Variants in NEK10 observed in about 807,000 individuals in gnomAD.
NEK10 encodes serine/threonine-protein kinase Nek10.
In NEK10, 122 loss-of-function variants were observed where a neutral mutation model predicts 159.8. That is an observed-to-expected ratio of 0.76 (90% CI 0.66 to 0.89). The LOEUF (loss-of-function observed/expected upper bound fraction) is 0.89. Ranked by LOEUF, NEK10 falls within the 40% of genes least tolerant of loss-of-function variation. NEK10 has a pLI of 0.00. For missense variants in NEK10, 1,342 were observed against 1,323.1 expected (o/e 1.01, Z -0.22); for synonymous variants, 466 against 457.1 (o/e 1.02, Z -0.25).
chr3:27,315,764 G>A (rs1250338894), intron 6 of NEK10, among the ~76,000 whole-genome samples: 1 of 152,104 alleles, frequency 6.6e-6, no homozygotes, highest in East Asian at 1.9e-4. Flanking sequence ...AAGACAGAAC[G>A]AGATAAGTGT....
chr3:27,262,660 C>T (rs566676627), intron 22 of NEK10, among the ~76,000 whole-genome samples: 94 of 152,290 alleles, frequency 6.2e-4, no homozygotes, highest in African/African-American at 2.0e-3. Context: ...ATGTAGTTCT[C>T]GTGCCTTGGT....
intron 23 of NEK10, among the ~76,000 whole-genome samples, chr3:27,203,782 C>A (rs965834440): frequency 6.6e-6 from 1 of 152,054 alleles, no homozygotes; most frequent in African/African-American, 2.4e-5. Flanking sequence ...AATTACTGTT[C>A]TTGAGAGGAA....
At position 27,309,002 on chromosome 3, in the gene NEK10, A is replaced by C; in HGVS notation, c.640T>G (p.Leu214Val). Residue 214 changes from leucine (L) to valine (V), a missense_variant, in exon 10 of 36, where the codon TTA becomes GTA. Transcript: ENST00000691995. ...WVTTSGAHKT[L>V]VNLLGARDTN... ...TCTCGGGCACCAAGTAAATTTACTA[A>C]TGTCTGAAAAATGAAGTAAAATAAA... 6.4e-7 allele frequency: 1 copy of C among 1,553,356 alleles called. No homozygotes were observed. The highest frequency in any genetic ancestry group is 8.9e-7 in the Non-Finnish European group (1 of 1,128,240).
chr3:27,172,492 T>G (rs1048921466), intron 28 of NEK10, among the ~76,000 whole-genome samples: 5 of 152,104 alleles, frequency 3.3e-5, no homozygotes, highest in Non-Finnish European at 5.9e-5. Context: ...ATCTCTACTC[T>G]CGTGTTTATT....
chr3:27,221,306 A>G (rs1952076551), intron 23 of NEK10, among the ~76,000 whole-genome samples: 1 of 152,224 alleles, frequency 6.6e-6, no homozygotes, highest in African/African-American at 2.4e-5. Flanking sequence ...TTATAACTCA[A>G]TAATAAAAAC....
intron 5 of NEK10, among the ~76,000 whole-genome samples, chr3:27,327,751 C>A (rs1190405431): frequency 6.6e-6 from 1 of 152,126 alleles, no homozygotes; most frequent in Non-Finnish European, 1.5e-5. Flanking sequence ...CATGTCACAG[C>A]CCTTTTCATG....
chr3:27,304,902 C>T lies in NEK10; in HGVS notation c.873G>A (p.Glu291=). ...PQVKEQVKLY[E]GIPVLLSLLH... ...GCAGACTGAGGAGGACCGGTATCCCCTCATAGAGCTTCACCTGCTCTTTCA... is the reference window on the plus strand; with the variant it reads ...GCAGACTGAGGAGGACCGGTATCCCTTCATAGAGCTTCACCTGCTCTTTCA... The change falls in exon 12 of 36, where the codon GAG becomes GAA. Residue 291 remains glutamate, a synonymous_variant. Coordinates refer to ENST00000691995, the MANE Select transcript of NEK10 (RefSeq NM_001394966.1). 1 of 1,613,714 alleles carries T rather than the reference C, an allele frequency of 6.2e-7. No individual in the cohort carries two copies.
intron 16 of NEK10, among the ~76,000 whole-genome samples, chr3:27,293,375 C>T (rs560579000): frequency 2.0e-5 from 3 of 152,324 alleles, no homozygotes; most frequent in Admixed American, 2.0e-4. Context: ...AATTTATGCT[C>T]TTTCATCATC....
intron 32 of NEK10, among the ~76,000 whole-genome samples, chr3:27,123,720 T>C (rs995993092): frequency 6.6e-6 from 1 of 152,048 alleles, no homozygotes; most frequent in African/African-American, 2.4e-5. Flanking sequence ...AGGTAGCAGA[T>C]AGATTTGACT....
At chr3:27,252,793 T>C in intron 23 of NEK10, 2 of 441,072 alleles carry the variant, frequency 4.5e-6, no homozygotes, top group Non-Finnish European at 9.2e-6. Flanking sequence ...GGAGCCCAGA[T>C]GAAACAGCTA....
At chr3:27,187,795 C>T (rs7653480) in intron 26 of NEK10, among the ~76,000 whole-genome samples, 106,110 of 151,482 alleles carry the variant, frequency 0.7, 38,990 homozygotes, top group African/African-American at 0.93. Flanking sequence ...AGTTCATAGT[C>T]TGTCAATTTG....
rs141326606 is a variant in NEK10 at position 27,140,114 on chromosome 3, T to C, written c.2970+1368A>G. Among the ~76,000 whole-genome samples, 21 of 152,270 alleles carry C rather than the reference T, an allele frequency of 1.4e-4. No homozygotes were observed. In the East Asian group the frequency reaches 4.1e-3, roughly 29 times the overall value. ...AACAGAGATCTTTGGCAGTGGTTAG[T>C]TGACTAGGGTGTTCCTGGAAAAGAA... On this transcript the variant is annotated intron_variant, in intron 31 of 35. Transcript: ENST00000691995.
At chr3:27,175,274 G>A (rs1378616024) in intron 26 of NEK10, among the ~76,000 whole-genome samples, 1 of 152,150 alleles carries the variant, frequency 6.6e-6, no homozygotes, top group Admixed American at 6.5e-5. Flanking sequence ...GCCAGGCCAT[G>A]GAGAGTGAGA....
intron 7 of NEK10, among the ~76,000 whole-genome samples, 163 bp from the exon 8 acceptor site, chr3:27,312,340 G>A (rs189363734): frequency 6.6e-6 from 1 of 152,174 alleles, no homozygotes; most frequent in Non-Finnish European, 1.5e-5. Context: ...AGTGCAAAAG[G>A]TGACTGGGTT....
chr3:27,269,285 C>A (rs540578539), intron 22 of NEK10, among the ~76,000 whole-genome samples: 2 of 152,156 alleles, frequency 1.3e-5, no homozygotes, highest in Non-Finnish European at 2.9e-5. Flanking sequence ...TTGAAAGAAG[C>A]TTTACTGTGG....
chr3:27,159,676 T>C (rs557784568), intron 30 of NEK10, among the ~76,000 whole-genome samples: 2 of 152,214 alleles, frequency 1.3e-5, no homozygotes, highest in South Asian at 2.1e-4. Flanking sequence ...AAATAAATTA[T>C]TGATACAATT....
chr3:27,352,321 A>G, intron 3 of NEK10, 144 bp downstream of exon 3: 3 of 661,348 alleles, frequency 4.5e-6, no homozygotes, highest in South Asian at 1.9e-5. Flanking sequence ...GGTGTCAGAG[A>G]AACAGCCAGA....
At chr3:27,174,625 G>A (rs376576554) in intron 27 of NEK10, 25 bp downstream of exon 27, 16 of 1,602,010 alleles carry the variant, frequency 1.0e-5, no homozygotes, top group African/African-American at 5.4e-5. Flanking sequence ...CAGTACCTAC[G>A]TTGACACACT....
intron 22 of NEK10, 59 bp from the exon 23 acceptor site, chr3:27,256,430 C>T (rs865858411): frequency 2.9e-6 from 3 of 1,043,592 alleles, no homozygotes; most frequent in Non-Finnish European, 2.7e-6. Context: ...ATCATTGTTC[C>T]TTAGCATTTG....
Sources: gnomAD v4.1 joint callset for allele counts (sites outside exome capture counted in the v4.1 genomes callset) on GRCh38, gnomAD v4.1.1 for gene constraint, MANE v1.5 for transcripts, NCBI Gene and HGNC (gene_info 2026-07-23, HGNC 2026-07-21) for gene names.